The following RAPGEF2 variants were observed in gnomAD, a reference collection of about 807,000 sequenced individuals.
The protein encoded by RAPGEF2 is Rap guanine nucleotide exchange factor 2, also known as PDZ domain containing guanine nucleotide exchange factor (GEF) 1.
Under a neutral mutation model 186.7 loss-of-function variants are expected in RAPGEF2, and 54 were observed. That is an observed-to-expected ratio of 0.29 (90% CI 0.23 to 0.36). The LOEUF is 0.36. RAPGEF2 is among the 10% of genes least tolerant of loss of function. RAPGEF2 has a pLI of 1.00. For missense variants in RAPGEF2, 1,532 were observed against 2,045.0 expected (o/e 0.75, Z 4.84); for synonymous variants, 712 against 705.9 (o/e 1.01, Z -0.14).
chr4:159,337,910 A>AAAAAAAAAAAAAAAG (rs1767681602), intron 17 of RAPGEF2, among the ~76,000 whole-genome samples: 4 of 143,110 alleles, frequency 2.8e-5, no homozygotes, highest in Non-Finnish European at 4.5e-5. Context: ...AAAAAAAAAA[A>AAAAAAAAAAAAAAAG]AAAGAAAGAA....
chr4:159,224,694 A>T (rs1477041588), intron 4 of RAPGEF2, among the ~76,000 whole-genome samples: 1 of 152,138 alleles, frequency 6.6e-6, no homozygotes, highest in African/African-American at 2.4e-5. Flanking sequence ...TTTAAAATCG[A>T]TGTGTAACTG....
At chr4:159,219,901 G>A (rs1751371353) in intron 4 of RAPGEF2, among the ~76,000 whole-genome samples, 3 of 152,150 alleles carry the variant, frequency 2.0e-5, no homozygotes, top group Non-Finnish European at 4.4e-5. Flanking sequence ...AAATATTATT[G>A]ATTGCTTCTT....
intron 8 of RAPGEF2, among the ~76,000 whole-genome samples, chr4:159,310,803 G>T (rs1022561891): frequency 2.0e-5 from 3 of 151,968 alleles, no homozygotes; most frequent in Non-Finnish European, 2.9e-5. Context: ...AATATAAAGC[G>T]TCTGTTTTAG....
chr4:159,140,434 T>C (rs1674693483), intron 1 of RAPGEF2, among the ~76,000 whole-genome samples: 1 of 152,226 alleles, frequency 6.6e-6, no homozygotes, highest in Admixed American at 6.5e-5. Flanking sequence ...AAGGTATATA[T>C]TAATTCCAAT....
At chr4:159,351,150 G>A in intron 26 of RAPGEF2, 1 of 1,535,490 alleles carries the variant, frequency 6.5e-7, no homozygotes, top group Non-Finnish European at 8.7e-7. Flanking sequence ...ACAGTAACAA[G>A]AATAACAATG....
At chr4:159,164,060 A>G (rs915869602) in intron 1 of RAPGEF2, among the ~76,000 whole-genome samples, 4 of 150,824 alleles carry the variant, frequency 2.7e-5, no homozygotes, top group Middle Eastern at 6.8e-3. Context: ...GCTGGAGTGC[A>G]GTGGCGCAAT....
At chr4:159,169,179 C>CT (rs1745639352) in intron 1 of RAPGEF2, among the ~76,000 whole-genome samples, 1 of 53,898 alleles carries the variant, frequency 1.9e-5, no homozygotes. Context: ...GATTTTGGAA[C>CT]CCCCCTCAAC....
intron 16 of RAPGEF2, 81 bp from the exon 17 acceptor site, chr4:159,332,370 C>A: frequency 2.8e-6 from 4 of 1,422,042 alleles, no homozygotes; most frequent in Non-Finnish European, 3.8e-6. Context: ...TCATATATTT[C>A]CAAGTTCCAC....
intron 1 of RAPGEF2, among the ~76,000 whole-genome samples, chr4:159,181,827 C>T (rs1467539408): frequency 3.3e-5 from 5 of 152,090 alleles, no homozygotes; most frequent in Non-Finnish European, 5.9e-5. Flanking sequence ...GTGTGAGCCA[C>T]CATGCCTGGC....
At chr4:159,107,717 G>T (rs12639886) in intron 1 of RAPGEF2, among the ~76,000 whole-genome samples, 1 of 151,898 alleles carries the variant, frequency 6.6e-6, no homozygotes, top group Non-Finnish European at 1.5e-5. Flanking sequence ...AGAATTCATC[G>T]TGAGTCATAA....
rs1462693799 is a variant in RAPGEF2 at position 159,358,131 on chromosome 4, G to A, written c.4975G>A (p.Ala1659Thr). 1.9e-6 allele frequency: 3 copies of A among 1,611,882 alleles called. No homozygotes were observed. The highest frequency in any genetic ancestry group is 2.7e-5 in the African/African-American group (2 of 74,864). The change falls in exon 30 of 30, where the codon GCT becomes ACT. Residue 1659 changes from alanine to threonine, a missense_variant. Transcript: ENST00000691494. ...ATTTGCAGAAGATGAACAAGTTTCT[G>A]CTGTTTGAGGCACAGACTTTTCTGG... ...TEEDEDEQVS[A>T]V is the part of the protein sequence containing the mutation.
intron 3 of RAPGEF2, among the ~76,000 whole-genome samples, chr4:159,196,758 C>T (rs540228601): frequency 1.7e-4 from 26 of 152,178 alleles, no homozygotes; most frequent in African/African-American, 6.3e-4. Context: ...ATTTTAGTTG[C>T]TTTAAATGTT....
intron 1 of RAPGEF2, among the ~76,000 whole-genome samples, chr4:159,178,348 C>A (rs1372053974): frequency 1.3e-5 from 2 of 152,026 alleles, no homozygotes; most frequent in Non-Finnish European, 2.9e-5. Flanking sequence ...CTCAGTTCTC[C>A]AAAGATCATA....
At chr4:159,164,668 G>A (rs1745104592) in intron 1 of RAPGEF2, among the ~76,000 whole-genome samples, 1 of 152,102 alleles carries the variant, frequency 6.6e-6, no homozygotes, top group Non-Finnish European at 1.5e-5. Context: ...CATATAATGT[G>A]GGTGGTACAG....
chr4:159,350,969 T>A (rs1173911859), intron 26 of RAPGEF2: 5 of 1,362,790 alleles, frequency 3.7e-6, no homozygotes, highest in Non-Finnish European at 5.0e-6. Flanking sequence ...TGGTAGATAT[T>A]TCAGACATCT....
rs77362047 is a variant in RAPGEF2 at position 159,175,638 on chromosome 4, C to G, written c.70-11004C>G. ...TGATCTTCAGGAATGCTTTAAACCC[C>G]CATCTCTGTGTTGACTCACTTGCGA... On this transcript the variant is annotated intron_variant, in intron 1 of 29. Coordinates refer to ENST00000691494, the MANE Select transcript of RAPGEF2 (RefSeq NM_001394067.2). Among the ~76,000 whole-genome samples the G allele has an allele frequency of 9.0e-3, 1,363 of 152,260 alleles. 6 individuals are homozygous for G. The highest frequency in any genetic ancestry group is 0.024 in the Middle Eastern group (7 of 294).
intron 13 of RAPGEF2, 86 bp downstream of exon 13, chr4:159,330,584 G>T: frequency 1.0e-6 from 1 of 975,492 alleles, no homozygotes; most frequent in Non-Finnish European, 1.5e-6. Context: ...CAGCAATTAT[G>T]TCCAGATTAA....
rs1456127867 is a variant in RAPGEF2 at position 159,198,279 on chromosome 4, TTTCTTTCTTTCTTTCTTTCTTTC to T, written c.197+5026_197+5048del. Among the ~76,000 whole-genome samples the T allele has an allele frequency of 4.8e-4, 3 of 6,308 alleles. 1 individual carries two copies. The East Asian group carries it at 0.019, about 40-fold the overall frequency. The allele number at this position is 6,308 out of a possible 152,430, so 4.1% of individuals were successfully genotyped here. ...TTCTTTCTCTTTCTTTCCTTCTTTC[TTTCTTTCTTTCTTTCTTTCTTTC>T]TTTCTTTCTTTCTTTCTTTCTTTCT... On this transcript the variant is annotated intron_variant, in intron 3 of 29. Coordinates refer to ENST00000691494, the MANE Select transcript of RAPGEF2 (RefSeq NM_001394067.2).
Position 159,246,486 on chromosome 4 carries a change from G to T in RAPGEF2, c.543+2695G>T, listed in dbSNP as rs539942856. Among the ~76,000 whole-genome samples, 161 of 152,186 alleles carry T rather than the reference G, an allele frequency of 1.1e-3. 5 individuals carry two copies. In the South Asian group the frequency reaches 0.032, roughly 31 times the overall value. ...GCAAATTCTATTTCTTACAATGGGT[G>T]TATAAGATATAACCATTCCTAGGAT... On this transcript the variant is annotated intron_variant, in intron 7 of 29. Transcript: ENST00000691494.
Sources: gnomAD v4.1 joint callset for allele counts (sites outside exome capture counted in the v4.1 genomes callset) on GRCh38, gnomAD v4.1.1 for gene constraint, MANE v1.5 for transcripts, NCBI Gene and HGNC (gene_info 2026-07-23, HGNC 2026-07-21) for gene names.